MACF1: variants seen among roughly 807,000 people sequenced by gnomAD.
MACF1 encodes the protein microtubule actin crosslinking factor 1, also known as microtubule-actin cross-linking factor 1.
MACF1 carries 193 observed loss-of-function variants against 854.8 expected under a neutral mutation model. The observed-to-expected ratio is 0.23, with a 90% CI of 0.20 to 0.25. The LOEUF (loss-of-function observed/expected upper bound fraction) is 0.25. MACF1 is among the 10% of genes least tolerant of loss of function. MACF1 has a pLI of 1.00. For missense variants in MACF1, 7,722 were observed against 8,929.1 expected (o/e 0.86, Z 5.45); for synonymous variants, 3,185 against 3,226.7 (o/e 0.99, Z 0.44).
intron 47 of MACF1, 31 bp from the exon 48 acceptor site, chr1:39,360,762 C>G: frequency 1.1e-5 from 16 of 1,395,534 alleles, no homozygotes; most frequent in Non-Finnish European, 1.6e-5. Context: ...AAATTGTCTC[C>G]ACTCTTTCTT....
intron 15 of MACF1, among the ~76,000 whole-genome samples, chr1:39,291,054 C>T (rs1645774052): frequency 6.6e-6 from 1 of 152,008 alleles, no homozygotes; most frequent in South Asian, 2.1e-4. Flanking sequence ...TCACTGCAAC[C>T]TCTGACTCCT....
chr1:39,408,378 G>A (rs1642797776), intron 58 of MACF1, among the ~76,000 whole-genome samples: 5 of 152,238 alleles, frequency 3.3e-5, no homozygotes, highest in Admixed American at 3.3e-4. Context: ...CACCGGGAAA[G>A]TGCCGGGTTT....
Position 39,292,857 on chromosome 1 carries a change from G to A in MACF1, c.1992+14G>A, listed in dbSNP as rs372457398. The A allele has an allele frequency of 1.7e-4, 274 of 1,604,170 alleles. 1 individual carries two copies. Among genetic ancestry groups the A allele is most frequent in the Non-Finnish European group, 2.2e-4 (257 of 1,173,416 alleles). Reference sequence around the variant, plus strand: ...TGTAAATTGAAGGTGAGTTTCTGCCGATTCTCTTACATTCTGCTCATAGAG... The same window carrying A: ...TGTAAATTGAAGGTGAGTTTCTGCCAATTCTCTTACATTCTGCTCATAGAG... On this transcript the variant is annotated intron_variant, in intron 17 of 100. Coordinates refer to ENST00000564288, the MANE Select transcript of MACF1 (RefSeq NM_001394062.1).
intron 99 of MACF1, among the ~76,000 whole-genome samples, chr1:39,483,342 G>A (rs1037345063): frequency 6.6e-6 from 1 of 152,138 alleles, no homozygotes; most frequent in Non-Finnish European, 1.5e-5. Context: ...GAATAGAAGT[G>A]TACAAGCAGT....
rs963718960 is a variant in MACF1, at chr1:39,097,454, G to T, written c.220+13016G>T. Among the ~76,000 whole-genome samples the T allele has an allele frequency of 3.9e-5, 6 of 152,154 alleles. No individual in the cohort carries two copies. The East Asian group carries it at 1.2e-3, about 29-fold the overall frequency. On this transcript the variant is annotated intron_variant, in intron 2 of 93. Transcript: ENST00000361689. ...ATCATGGCGGGAGGATAGCACAGTG[G>T]CTCATGTCTCTAACCCCAGAACTTT... is the stretch of plus-strand genomic sequence containing the variant.
chr1:39,354,106 C>A (rs909669765), intron 44 of MACF1, among the ~76,000 whole-genome samples: 3 of 152,196 alleles, frequency 2.0e-5, no homozygotes, highest in African/African-American at 4.8e-5. Context: ...ATCTAGTCTA[C>A]TTATTTGGCC....
Position 39,435,508 on chromosome 1 carries a change from A to T in MACF1, c.17785-50A>T, listed in dbSNP as rs749178641. On this transcript the variant is annotated intron_variant, in intron 69 of 100. Transcript: ENST00000564288. Reference sequence around the variant, plus strand: ...AGCTCTGATCAAAGTATCTAAATACATAAACTGGTATAAAAGTACTCATTA... The same window carrying T: ...AGCTCTGATCAAAGTATCTAAATACTTAAACTGGTATAAAAGTACTCATTA... The T allele has an allele frequency of 3.5e-6, 5 of 1,437,230 alleles. No individual in the cohort carries two copies. The African/African-American group carries it at 7.1e-5, about 20-fold the overall frequency. 89.0% of individuals were successfully genotyped at this position (1,437,230 alleles called of 1,614,324 possible).
chr1:39,338,295 C>T (rs180988951), intron 38 of MACF1, among the ~76,000 whole-genome samples: 75 of 150,384 alleles, frequency 5.0e-4, no homozygotes, highest in African/African-American at 1.8e-3. Context: ...CATAAAAGGG[C>T]AAGAGAGGAG....
chr1:39,475,216 C>T (rs1348077468), intron 97 of MACF1, among the ~76,000 whole-genome samples: 2 of 152,178 alleles, frequency 1.3e-5, no homozygotes, highest in Non-Finnish European at 2.9e-5. Context: ...CCCTAGAAAA[C>T]CTCACTTGGG....
At chr1:39,433,248 CCTCCTGG>C in intron 68 of MACF1, 93 bp downstream of exon 68, 1 of 684,338 alleles carries the variant, frequency 1.5e-6, no homozygotes, top group Non-Finnish European at 2.4e-6. Flanking sequence ...AGGCTTTTTC[CCTCCTGG>C]ACTTTTCTTA....
At chr1:39,305,456 A>T (rs1032110105) in intron 23 of MACF1, among the ~76,000 whole-genome samples, 32 of 152,126 alleles carry the variant, frequency 2.1e-4, no homozygotes, top group African/African-American at 7.2e-4. Flanking sequence ...ACATTTCCAA[A>T]TGTAATTTTT....
chr1:39,333,475 G>T lies in MACF1; in HGVS notation c.6887G>T (p.Gly2296Val), dbSNP rs780408514. The T allele has an allele frequency of 5.0e-6, 8 of 1,614,030 alleles. No individual in the cohort carries two copies. Among genetic ancestry groups the T allele is most frequent in the Admixed American group, 3.3e-5 (2 of 59,990 alleles). ...NVLSAQLLDG[G>V]IFHEQTGQKL... ...TTATCTGCACAGTTACTAGATGGTG[G>T]TATCTTTCATGAACAAACAGGTCAA... The change falls in exon 37 of 101, where the codon GGT becomes GTT. Residue 2296 changes from glycine to valine, a missense_variant. Transcript: ENST00000564288.
intron 63 of MACF1, 134 bp from the exon 64 acceptor site, chr1:39,429,108 G>T: frequency 1.8e-6 from 1 of 555,402 alleles, no homozygotes. Context: ...GAGAAGATGA[G>T]GGGATCAAAT....
intron 65 of MACF1, 67 bp from the exon 66 acceptor site, chr1:39,430,635 A>G: frequency 7.8e-7 from 1 of 1,279,974 alleles, no homozygotes; most frequent in South Asian, 1.2e-5. Flanking sequence ...AGCAATTTCC[A>G]CCCAGCACAG....
intron 97 of MACF1, among the ~76,000 whole-genome samples, chr1:39,477,075 A>ATATACTTAGTG (rs1557675014): frequency 1.9e-5 from 1 of 51,308 alleles, no homozygotes; most frequent in Non-Finnish European, 3.3e-5. Context: ...ATATATATAT[A>ATATACTTAGTG]TATATATATA....
chr1:39,354,438 T>C (rs1647348422), intron 44 of MACF1, among the ~76,000 whole-genome samples: 1 of 152,168 alleles, frequency 6.6e-6, no homozygotes. Context: ...AGAGTCTTGC[T>C]CTGTTACCCA....
rs376015198 is a variant in MACF1, at chr1:39,484,686, A to G, written c.22367A>G (p.Asn7456Ser). ...SRTSLAGDTSNSSSPASTGAK... is the reference protein window; with the variant it reads ...SRTSLAGDTSSSSSPASTGAK... Reference sequence around the variant, plus strand: ...ACATCCCTTGCTGGTGATACCAGCAATAGTTCTTCCCCGGCCTCCACAGGT... The same window carrying G: ...ACATCCCTTGCTGGTGATACCAGCAGTAGTTCTTCCCCGGCCTCCACAGGT... The change falls in exon 100 of 101, where the codon AAT becomes AGT. Residue 7456 changes from asparagine (N) to serine (S), a missense_variant. Asn to Ser is a conservative substitution (Grantham distance 46). Around this residue, in one of 15 missense-constraint regions of MACF1, gnomAD observed 185 missense variants for 225.7 expected, o/e 0.82. Coordinates refer to ENST00000564288, the MANE Select transcript of MACF1 (RefSeq NM_001394062.1). 1.2e-6 allele frequency: 2 copies of G among 1,614,216 alleles called. No individual in the cohort carries two copies.
At chr1:39,196,980 G>GGCCCTGCC (rs1284898850) in intron 2 of MACF1, among the ~76,000 whole-genome samples, 1 of 152,080 alleles carries the variant, frequency 6.6e-6, no homozygotes, top group Non-Finnish European at 1.5e-5. Context: ...CATGGTTTGG[G>GGCCCTGCC]GCCCTGCCCG....
At position 39,334,017 on chromosome 1, in the gene MACF1, C is replaced by A; in HGVS notation, c.7429C>A (p.Pro2477Thr). ...TGLIDPDSKAPLTVVQSIDRG... is the reference protein window; with the variant it reads ...TGLIDPDSKATLTVVQSIDRG... ...ACTTATAGACCCTGATAGTAAAGCA[C>A]CTTTAACAGTTGTGCAGTCCATTGA... is the stretch of plus-strand genomic sequence containing the variant. Residue 2477 changes from proline to threonine, a missense_variant, in exon 37 of 101, where the codon CCT becomes ACT. This residue lies in a region of MACF1 where 1,531 missense variants were observed against 1,601.6 expected (regional missense o/e 0.96). Coordinates refer to ENST00000564288, the MANE Select transcript of MACF1 (RefSeq NM_001394062.1). 1 of 1,614,116 alleles carries A rather than the reference C, an allele frequency of 6.2e-7. No individual in the cohort carries two copies. Among genetic ancestry groups the A allele is most frequent in the South Asian group, 1.1e-5 (1 of 91,076 alleles).
Sources: allele counts gnomAD v4.1 joint callset (sites outside exome capture counted in the v4.1 genomes callset), GRCh38; gene constraint gnomAD v4.1.1; regional missense constraint gnomAD v4.1.1; transcripts MANE v1.5; gene names NCBI Gene and HGNC (gene_info 2026-07-23, HGNC 2026-07-21).